Variants in CALCOCO2 observed in about 807,000 individuals in gnomAD.
CALCOCO2 encodes the protein calcium-binding and coiled-coil domain-containing protein 2.
Under a neutral mutation model 62.5 loss-of-function variants are expected in CALCOCO2, and 42 were observed. The ratio of observed to expected loss-of-function variants is 0.67; its 90% CI spans 0.53 to 0.87. The LOEUF (loss-of-function observed/expected upper bound fraction) is 0.87. CALCOCO2 is among the 40% of genes least tolerant of loss of function. The probability of loss-of-function intolerance (pLI) is 0.00; values close to 1 mark genes in which losing one functional copy is unlikely to be tolerated. For missense variants in CALCOCO2, 456 were observed against 515.0 expected (o/e 0.89, Z 1.11); for synonymous variants, 167 against 173.0 (o/e 0.97, Z 0.27).
chr17:48,857,646 T>C (rs2143661045), intron 10 of CALCOCO2, among the ~76,000 whole-genome samples: 1 of 151,278 alleles, frequency 6.6e-6, no homozygotes, highest in South Asian at 2.1e-4. Context: ...GTGATCATTT[T>C]TACTATTTTT....
intron 10 of CALCOCO2, chr17:48,856,659 TCA>T: frequency 4.4e-6 from 2 of 454,016 alleles, no homozygotes; most frequent in Non-Finnish European, 8.8e-6. Flanking sequence ...ATTCATTCAT[TCA>T]TTCATTCATT....
intron 10 of CALCOCO2, among the ~76,000 whole-genome samples, chr17:48,857,738 G>T (rs1368130147): frequency 6.7e-6 from 1 of 148,982 alleles, no homozygotes; most frequent in Non-Finnish European, 1.5e-5. Flanking sequence ...ACTTTGGGAG[G>T]CCAAGGCAGG....
chr17:48,845,583 G>A (rs2040040974), intron 2 of CALCOCO2, among the ~76,000 whole-genome samples: 1 of 151,742 alleles, frequency 6.6e-6, no homozygotes, highest in Non-Finnish European at 1.5e-5. Context: ...TACAAAATTA[G>A]CCAGGCGTGG....
intron 11 of CALCOCO2, among the ~76,000 whole-genome samples, chr17:48,861,496 C>G (rs2040325523): frequency 1.3e-5 from 2 of 151,834 alleles, no homozygotes; most frequent in South Asian, 4.1e-4. Context: ...GATATGTGAG[C>G]CATCGTACCT....
intron 4 of CALCOCO2, 106 bp downstream of exon 4, chr17:48,848,561 C>G: frequency 2.9e-6 from 3 of 1,043,094 alleles, no homozygotes; most frequent in Non-Finnish European, 4.4e-6. Flanking sequence ...TAACGGGTAT[C>G]ATTGGAAAAA....
chr17:48,846,881 C>A (rs1351157776), intron 2 of CALCOCO2, among the ~76,000 whole-genome samples: 2 of 152,102 alleles, frequency 1.3e-5, no homozygotes, highest in Non-Finnish European at 2.9e-5. Flanking sequence ...AGTGTTGTCC[C>A]CTTGAAGACA....
chr17:48,862,265 A>T lies in CALCOCO2; in HGVS notation c.1145-11A>T. 1 of 1,558,004 alleles carries T rather than the reference A, an allele frequency of 6.4e-7. No homozygotes were observed. Among genetic ancestry groups the T allele is most frequent in the Non-Finnish European group, 8.9e-7 (1 of 1,129,052 alleles). On this transcript the variant is annotated splice_polypyrimidine_tract_variant and intron_variant, in intron 11 of 12. Transcript: ENST00000258947. ...TTTCTCATTGAATGAGATCTTTTTT[A>T]TTCTTTTCAGGTATCCAAGAAAGTT...
intron 1 of CALCOCO2, among the ~76,000 whole-genome samples, chr17:48,834,547 C>T (rs994305556): frequency 2.0e-5 from 3 of 152,166 alleles, no homozygotes; most frequent in Non-Finnish European, 2.9e-5. Context: ...AGGTAAAATA[C>T]CACTTTATAA....
rs923924224 is a variant in CALCOCO2 at position 48,858,004 on chromosome 17, G to C, written c.1008+1817G>C. Reference sequence around the variant, plus strand: ...GAATAGAATAGAATAGAATAGAATAGAATAGAATAGAATAGAATAGAATAG... The same window carrying C: ...GAATAGAATAGAATAGAATAGAATACAATAGAATAGAATAGAATAGAATAG... On this transcript the variant is annotated intron_variant, in intron 10 of 12. Coordinates refer to ENST00000258947, the MANE Select transcript of CALCOCO2 (RefSeq NM_005831.5). Among the ~76,000 whole-genome samples the C allele has an allele frequency of 3.1e-4, 6 of 19,444 alleles. 1 individual carries two copies. Among genetic ancestry groups the C allele is most frequent in the Non-Finnish European group, 1.3e-4 (1 of 7,418 alleles). The allele number at this position is 19,444 out of a possible 152,430, so 12.8% of individuals were successfully genotyped here. A position where few individuals can be genotyped will look rare whatever the true frequency, so the allele number is the denominator to read the frequency against.
Position 48,852,622 on chromosome 17 carries a change from T to A in CALCOCO2, c.819T>A (p.Thr273=), listed in dbSNP as rs1185947349. The change falls in exon 8 of 13, where the codon ACT becomes ACA. Residue 273 remains threonine (T), a synonymous_variant. Transcript: ENST00000258947. ...ATGACCACCTCTTTCTCAGTTTAAC[T>A]GAACAGGTAGAGTCATGAGAGAAAA... is the stretch of plus-strand genomic sequence containing the variant. The part of the protein sequence containing the change: ...KENDHLFLSL[T]EQRKDQKKLE... 8.1e-6 allele frequency: 13 copies of A among 1,613,696 alleles called. No individual in the cohort carries two copies. Among genetic ancestry groups the A allele is most frequent in the Non-Finnish European group, 1.1e-5 (13 of 1,179,684 alleles).
chr17:48,857,092 A>G (rs909674341), intron 10 of CALCOCO2, among the ~76,000 whole-genome samples: 1 of 149,990 alleles, frequency 6.7e-6, no homozygotes, highest in Non-Finnish European at 1.5e-5. Context: ...ATGACCCACC[A>G]CGCCCGGCCC....
chr17:48,860,216 C>T (rs1204911360), intron 10 of CALCOCO2, 98 bp from the exon 11 acceptor site: 1 of 835,350 alleles, frequency 1.2e-6, no homozygotes, highest in East Asian at 2.5e-5. Flanking sequence ...TGCCACATTG[C>T]TAATTGAGAA....
intron 4 of CALCOCO2, 143 bp downstream of exon 4, chr17:48,848,598 C>T (rs2040085085): frequency 2.7e-6 from 2 of 750,202 alleles, no homozygotes; most frequent in Non-Finnish European, 4.6e-6. Context: ...CACAGACTCA[C>T]TCAGGAATGA....
chr17:48,835,048 C>CA (rs397772419), intron 1 of CALCOCO2, among the ~76,000 whole-genome samples: 2 of 151,526 alleles, frequency 1.3e-5, no homozygotes, highest in Non-Finnish European at 2.9e-5. Flanking sequence ...CCTGCCCCCC[C>CA]GCAAAAAAAA....
intron 9 of CALCOCO2, among the ~76,000 whole-genome samples, chr17:48,854,396 ATTTTTTTT>A (rs1226127478): frequency 3.1e-3 from 6 of 1,910 alleles, no homozygotes; most frequent in South Asian, 0.029. Flanking sequence ...ATATATATAT[ATTTTTTTT>A]TTTTTTTTTT....
chr17:48,836,115 T>A (rs1237266443), intron 1 of CALCOCO2, among the ~76,000 whole-genome samples: 1 of 152,214 alleles, frequency 6.6e-6, no homozygotes, highest in African/African-American at 2.4e-5. Context: ...CCTTAGCTGG[T>A]CTTGCCTTTC....
At chr17:48,841,086 G>A (rs2039969259) in intron 1 of CALCOCO2, among the ~76,000 whole-genome samples, 1 of 152,210 alleles carries the variant, frequency 6.6e-6, no homozygotes, top group South Asian at 2.1e-4. Context: ...CACAGAGCCA[G>A]CAGATTATAT....
chr17:48,840,481 G>A (rs2039962046), intron 1 of CALCOCO2, among the ~76,000 whole-genome samples: 1 of 152,146 alleles, frequency 6.6e-6, no homozygotes, highest in African/African-American at 2.4e-5. Flanking sequence ...ACCTAGAAAG[G>A]TGAAACACAG....
chr17:48,851,380 G>A (rs2040127154), intron 6 of CALCOCO2, 179 bp from the exon 7 acceptor site: 1 of 622,620 alleles, frequency 1.6e-6, no homozygotes, highest in Non-Finnish European at 2.9e-6. Context: ...ATTAACTTTA[G>A]GGATTGAATA....
Sources: gnomAD v4.1 joint callset for allele counts (sites outside exome capture counted in the v4.1 genomes callset) on GRCh38, gnomAD v4.1.1 for gene constraint, MANE v1.5 for transcripts, NCBI Gene and HGNC (gene_info 2026-07-23, HGNC 2026-07-21) for gene names.